The following NEGR1 variants were observed in gnomAD, a reference collection of about 807,000 sequenced individuals.
NEGR1 encodes neuronal growth regulator 1.
A neutral mutation model predicts 40.9 loss-of-function variants in NEGR1; 10 were observed. The ratio of observed to expected loss-of-function variants is 0.24; its 90% CI spans 0.15 to 0.42. The LOEUF (loss-of-function observed/expected upper bound fraction) is 0.42, where lower values mean the gene tolerates loss of function less well. Among genes scored for constraint, NEGR1 ranks in the 10% least tolerant of loss-of-function variants. The pLI, the probability that NEGR1 is intolerant of heterozygous loss-of-function variation, is 1.00. For synonymous variants in NEGR1, 185 were observed against 166.8 expected (o/e 1.11, Z -0.84); for missense variants, 352 against 438.9 (o/e 0.80, Z 1.77).
intron 4 of NEGR1, among the ~76,000 whole-genome samples, chr1:71,662,984 T>C (rs1295453740): frequency 6.6e-6 from 1 of 151,630 alleles, no homozygotes; most frequent in African/African-American, 2.4e-5. Flanking sequence ...TGAGACGGGG[T>C]CTCGTTCTGT....
At chr1:71,614,891 T>C (rs1436682242) in intron 4 of NEGR1, among the ~76,000 whole-genome samples, 2 of 152,146 alleles carry the variant, frequency 1.3e-5, no homozygotes, top group Admixed American at 1.3e-4. Context: ...AGGGACATGA[T>C]CCTGTTATCT....
intron 1 of NEGR1, among the ~76,000 whole-genome samples, chr1:71,973,776 A>T (rs1436152025): frequency 1.3e-5 from 2 of 152,208 alleles, no homozygotes; most frequent in Non-Finnish European, 2.9e-5. Context: ...ACAACAGATA[A>T]TTGGAACCAA....
chr1:72,092,160 C>T (rs1334540119), intron 1 of NEGR1, among the ~76,000 whole-genome samples: 1 of 151,960 alleles, frequency 6.6e-6, no homozygotes, highest in African/African-American at 2.4e-5. Flanking sequence ...AAATTGTGTT[C>T]CATACAACTA....
chr1:71,854,252 G>C (rs1038565039), intron 2 of NEGR1, among the ~76,000 whole-genome samples: 2 of 151,866 alleles, frequency 1.3e-5, no homozygotes, highest in Non-Finnish European at 2.9e-5. Context: ...ACTGCAAATT[G>C]CTCCCCCTGT....
At chr1:71,900,245 G>A (rs745817382) in intron 2 of NEGR1, among the ~76,000 whole-genome samples, 18 of 152,128 alleles carry the variant, frequency 1.2e-4, no homozygotes, top group African/African-American at 2.7e-4. Context: ...ATAGTAAAGT[G>A]TAATAACTTA....
At chr1:72,177,943 A>G (rs1467651171) in intron 1 of NEGR1, among the ~76,000 whole-genome samples, 1 of 152,022 alleles carries the variant, frequency 6.6e-6, no homozygotes, top group African/African-American at 2.4e-5. Context: ...GCTGCTTTTT[A>G]GATCCTAAAT....
At chr1:72,155,605 A>G (rs967148550) in intron 1 of NEGR1, among the ~76,000 whole-genome samples, 1 of 152,052 alleles carries the variant, frequency 6.6e-6, no homozygotes, top group Non-Finnish European at 1.5e-5. Context: ...CTATGATATA[A>G]AATATTTTTA....
chr1:72,207,803 T>A (rs1177237669), intron 1 of NEGR1, among the ~76,000 whole-genome samples: 1 of 151,784 alleles, frequency 6.6e-6, no homozygotes, highest in Non-Finnish European at 1.5e-5. Flanking sequence ...AACGCATTTA[T>A]TAGCAAGTAC....
At chr1:71,979,460 T>C (rs77009570) in intron 1 of NEGR1, among the ~76,000 whole-genome samples, 1 of 152,244 alleles carries the variant, frequency 6.6e-6, no homozygotes, top group Non-Finnish European at 1.5e-5. Context: ...AAATTCCAGA[T>C]TGTGGTGAGA....
chr1:71,727,424 G>C (rs1486298714), intron 3 of NEGR1, among the ~76,000 whole-genome samples: 1 of 152,110 alleles, frequency 6.6e-6, no homozygotes, highest in Non-Finnish European at 1.5e-5. Context: ...GATTGCATTA[G>C]TACTCACACT....
chr1:71,797,022 C>T (rs1224892388), intron 2 of NEGR1, among the ~76,000 whole-genome samples: 1 of 151,972 alleles, frequency 6.6e-6, no homozygotes, highest in African/African-American at 2.4e-5. Flanking sequence ...TGGTGAGAGA[C>T]AGGATTTGTA....
At chr1:71,595,271 G>T (rs1217301418) in intron 5 of NEGR1, among the ~76,000 whole-genome samples, 1 of 152,168 alleles carries the variant, frequency 6.6e-6, no homozygotes, top group Non-Finnish European at 1.5e-5. Context: ...GGTTATTATG[G>T]CCAATAAAAA....
At chr1:72,265,947 T>C (rs1487716651) in intron 1 of NEGR1, among the ~76,000 whole-genome samples, 2 of 150,982 alleles carry the variant, frequency 1.3e-5, no homozygotes, top group East Asian at 1.9e-4. Flanking sequence ...ACTCTAGAAT[T>C]GAAGTGATTT....
At chr1:71,744,200 A>G (rs936173536) in intron 3 of NEGR1, among the ~76,000 whole-genome samples, 2 of 151,472 alleles carry the variant, frequency 1.3e-5, no homozygotes, top group Non-Finnish European at 2.9e-5. Context: ...TGTAAAGCTC[A>G]GGGTCCAAAT....
chr1:72,273,290 C>A (rs1242141785), intron 1 of NEGR1, among the ~76,000 whole-genome samples: 1 of 151,860 alleles, frequency 6.6e-6, no homozygotes, highest in Non-Finnish European at 1.5e-5. Flanking sequence ...ACCTCTATAT[C>A]CTTATTGATT....
At chr1:72,055,799 T>C in intron 1 of NEGR1, among the ~76,000 whole-genome samples, 1 of 141,442 alleles carries the variant, frequency 7.1e-6, no homozygotes, top group South Asian at 2.1e-4. Flanking sequence ...TTATATATAT[T>C]ATATATATAT....
chr1:71,846,551 T>C (rs950445948), intron 2 of NEGR1, among the ~76,000 whole-genome samples: 3 of 152,196 alleles, frequency 2.0e-5, no homozygotes, highest in African/African-American at 7.2e-5. Context: ...TCCCATACCC[T>C]TGAAGAACCC....
At chr1:71,746,766 A>G (rs1246500295) in intron 3 of NEGR1, among the ~76,000 whole-genome samples, 1 of 147,860 alleles carries the variant, frequency 6.8e-6, no homozygotes, top group Non-Finnish European at 1.5e-5. Flanking sequence ...GCGTACACAC[A>G]CACACGCACA....
intron 2 of NEGR1, among the ~76,000 whole-genome samples, chr1:71,836,167 A>G (rs998355755): frequency 4.0e-4 from 61 of 152,048 alleles, no homozygotes; most frequent in Admixed American, 1.9e-3. Flanking sequence ...TGTTAAATCT[A>G]CACTTTATTT....
Sources: gnomAD v4.1 joint callset for allele counts (sites outside exome capture counted in the v4.1 genomes callset) on GRCh38, gnomAD v4.1.1 for gene constraint, MANE v1.5 for transcripts, NCBI Gene and HGNC (gene_info 2026-07-23, HGNC 2026-07-21) for gene names.